ARHGAP26: variants seen among roughly 807,000 people sequenced by gnomAD.
The protein encoded by ARHGAP26 is Rho GTPase activating protein 26.
ARHGAP26 carries 38 observed loss-of-function variants against 104.8 expected under a neutral mutation model. The ratio of observed to expected loss-of-function variants is 0.36; its 90% CI spans 0.28 to 0.48. The LOEUF is 0.48. Ranked by LOEUF, ARHGAP26 falls within the 20% of genes least tolerant of loss-of-function variation. The probability of loss-of-function intolerance (pLI) is 0.99; values close to 1 mark genes in which losing one functional copy is unlikely to be tolerated. For synonymous variants in ARHGAP26, 341 were observed against 340.0 expected, an observed-to-expected ratio of 1.00 and a Z score of -0.03; for missense variants, 704 against 947.9, an observed-to-expected ratio of 0.74 and a Z score of 3.38.
chr5:143,050,066 A>C (rs1201855840), intron 14 of ARHGAP26, among the ~76,000 whole-genome samples: 1 of 152,162 alleles, frequency 6.6e-6, no homozygotes, highest in Non-Finnish European at 1.5e-5. Flanking sequence ...GGGTTGCAGC[A>C]TGGCCTTTCC....
intron 1 of ARHGAP26, among the ~76,000 whole-genome samples, chr5:142,822,536 C>A (rs940637693): frequency 2.6e-5 from 4 of 152,062 alleles, no homozygotes; most frequent in African/African-American, 9.7e-5. Flanking sequence ...GAGATACATA[C>A]ACAAATACAC....
intron 1 of ARHGAP26, among the ~76,000 whole-genome samples, chr5:142,835,582 A>G (rs1205216575): frequency 6.6e-6 from 1 of 152,188 alleles, no homozygotes; most frequent in East Asian, 1.9e-4. Context: ...ATGGAGGGAA[A>G]TGGTGTTTTG....
intron 5 of ARHGAP26, among the ~76,000 whole-genome samples, chr5:142,893,081 T>A (rs1758919517): frequency 1.3e-5 from 2 of 149,020 alleles, no homozygotes; most frequent in South Asian, 2.2e-4. Flanking sequence ...GCCTCCTGGG[T>A]TCAAGTGATT....
At chr5:143,186,096 C>T (rs1228900521) in intron 20 of ARHGAP26, among the ~76,000 whole-genome samples, 2 of 152,220 alleles carry the variant, frequency 1.3e-5, no homozygotes, top group African/African-American at 4.8e-5. Context: ...GAAAGCCATT[C>T]TCAGAAGCCT....
At chr5:143,002,989 T>C (rs1777401524) in intron 11 of ARHGAP26, among the ~76,000 whole-genome samples, 1 of 152,228 alleles carries the variant, frequency 6.6e-6, no homozygotes. Context: ...GTCAGTGTTA[T>C]CCTGATTTGA....
At chr5:143,058,569 T>A (rs2190778) in intron 17 of ARHGAP26, among the ~76,000 whole-genome samples, 5,998 of 152,346 alleles carry the variant, frequency 0.039, 167 homozygotes, top group South Asian at 0.12. Flanking sequence ...AAGAAAAGAA[T>A]GAGAGCATAA....
At chr5:142,932,003 C>T (rs748037241) in intron 10 of ARHGAP26, 44 bp from the exon 11 acceptor site, 1 of 1,564,054 alleles carries the variant, frequency 6.4e-7, no homozygotes, top group Non-Finnish European at 8.8e-7. Flanking sequence ...AATCTCTCTA[C>T]ATGTGGCACT....
chr5:143,142,910 G>C (rs1246005116), intron 19 of ARHGAP26, among the ~76,000 whole-genome samples: 1 of 152,146 alleles, frequency 6.6e-6, no homozygotes, highest in Admixed American at 6.5e-5. Flanking sequence ...GAAAGCCTCT[G>C]GGTATTTTGT....
intron 12 of ARHGAP26, among the ~76,000 whole-genome samples, chr5:143,029,832 A>G (rs1252006983): frequency 1.3e-5 from 2 of 152,336 alleles, no homozygotes; most frequent in Admixed American, 6.5e-5. Context: ...TTCCTGGGGA[A>G]AAAATTCAGA....
At chr5:142,834,167 A>G (rs34178998) in intron 1 of ARHGAP26, among the ~76,000 whole-genome samples, 7,220 of 152,340 alleles carry the variant, frequency 0.047, 233 homozygotes, top group East Asian at 0.13. Context: ...ATTTAAATGT[A>G]AGCTTAGCAT....
intron 22 of ARHGAP26, among the ~76,000 whole-genome samples, chr5:143,215,966 TA>T (rs1197386535): frequency 1.3e-5 from 2 of 152,188 alleles, no homozygotes; most frequent in Non-Finnish European, 2.9e-5. Context: ...CTTGGGGATA[TA>T]CCTAGGAGTG....
chr5:143,091,462 T>C (rs749010615), intron 17 of ARHGAP26, among the ~76,000 whole-genome samples: 30 of 152,378 alleles, frequency 2.0e-4, no homozygotes, highest in Non-Finnish European at 3.8e-4. Flanking sequence ...CAGTGGACTT[T>C]ATAGTCCTTG....
chr5:143,182,985 T>C (rs1175681995), intron 20 of ARHGAP26, among the ~76,000 whole-genome samples: 2 of 151,372 alleles, frequency 1.3e-5, no homozygotes, highest in African/African-American at 4.9e-5. Context: ...CTGGCTTTGT[T>C]GACTGTCTGA....
At chr5:142,965,912 C>T (rs572576394) in intron 11 of ARHGAP26, among the ~76,000 whole-genome samples, 25 of 152,142 alleles carry the variant, frequency 1.6e-4, no homozygotes, top group Middle Eastern at 3.4e-3. Context: ...ATAGTTGGAG[C>T]GTTGTGTTTT....
chr5:142,910,487 C>T (rs1761694405), intron 9 of ARHGAP26, among the ~76,000 whole-genome samples: 1 of 152,218 alleles, frequency 6.6e-6, no homozygotes, highest in Admixed American at 6.5e-5. Context: ...GCCTGTTAAT[C>T]CCAGCACTTG....
At chr5:142,832,823 A>G (rs1290237634) in intron 1 of ARHGAP26, among the ~76,000 whole-genome samples, 1 of 152,206 alleles carries the variant, frequency 6.6e-6, no homozygotes, top group South Asian at 2.1e-4. Context: ...AGACACGGGT[A>G]TAGCTGAAAT....
intron 17 of ARHGAP26, among the ~76,000 whole-genome samples, chr5:143,113,094 T>G (rs1404218813): frequency 1.3e-5 from 2 of 152,202 alleles, no homozygotes; most frequent in Non-Finnish European, 2.9e-5. Flanking sequence ...TTGGTAGATT[T>G]TAAATAGGGA....
intron 1 of ARHGAP26, among the ~76,000 whole-genome samples, chr5:142,798,014 T>C (rs757324652): frequency 7.9e-5 from 12 of 152,228 alleles, no homozygotes; most frequent in Non-Finnish European, 1.3e-4. Context: ...TTCTCTTTCT[T>C]GATGTCTTGG....
chr5:142,837,349 G>T (rs773833416), intron 1 of ARHGAP26, among the ~76,000 whole-genome samples: 1 of 147,124 alleles, frequency 6.8e-6, no homozygotes, highest in African/African-American at 2.5e-5. Flanking sequence ...GCAAAATTCT[G>T]TTTTTTTTTT....
Sources: allele counts gnomAD v4.1 joint callset (sites outside exome capture counted in the v4.1 genomes callset), GRCh38; gene constraint gnomAD v4.1.1; transcripts MANE v1.5; gene names NCBI Gene and HGNC (gene_info 2026-07-23, HGNC 2026-07-21).